SLC24A3: variants seen among roughly 807,000 people sequenced by gnomAD.
The protein encoded by SLC24A3 is sodium/potassium/calcium exchanger 3.
SLC24A3 carries 28 observed loss-of-function variants against 75.8 expected under a neutral mutation model. The ratio of observed to expected loss-of-function variants is 0.37; its 90% CI spans 0.27 to 0.51. The LOEUF is 0.51. Ranked by LOEUF, SLC24A3 falls within the 20% of genes least tolerant of loss-of-function variation. The pLI is 0.94. For missense variants in SLC24A3, 663 were observed against 847.8 expected, an observed-to-expected ratio of 0.78 and a Z score of 2.71; for synonymous variants, 372 against 334.1, an observed-to-expected ratio of 1.11 and a Z score of -1.24.
At chr20:19,612,347 G>A (rs986046423) in intron 6 of SLC24A3, among the ~76,000 whole-genome samples, 1 of 152,174 alleles carries the variant, frequency 6.6e-6, no homozygotes, top group African/African-American at 2.4e-5. Context: ...GCATTCTGTA[G>A]CACCACAGGG....
intron 2 of SLC24A3, among the ~76,000 whole-genome samples, chr20:19,505,058 T>C (rs577781066): frequency 1.3e-5 from 2 of 152,378 alleles, no homozygotes; most frequent in African/African-American, 4.8e-5. Flanking sequence ...ATTTCAGTGC[T>C]CTGCTAGGCC....
At chr20:19,492,185 G>T (rs1036196776) in intron 2 of SLC24A3, among the ~76,000 whole-genome samples, 48 of 152,256 alleles carry the variant, frequency 3.2e-4, no homozygotes, top group African/African-American at 1.1e-3. Context: ...CAAGGCCATG[G>T]ATATTCTTCT....
intron 2 of SLC24A3, among the ~76,000 whole-genome samples, chr20:19,481,794 A>G (rs142734012): frequency 1.1e-4 from 16 of 152,158 alleles, no homozygotes; most frequent in Non-Finnish European, 2.4e-4. Flanking sequence ...GCCCTTTTCT[A>G]TGGAGTGAGT....
chr20:19,549,748 C>G (rs2030661201), intron 3 of SLC24A3, among the ~76,000 whole-genome samples: 1 of 152,168 alleles, frequency 6.6e-6, no homozygotes, highest in Non-Finnish European at 1.5e-5. Flanking sequence ...CATGCCATTG[C>G]ACTCCAGCTG....
chr20:19,614,363 A>G (rs1268388934), intron 6 of SLC24A3, among the ~76,000 whole-genome samples: 2 of 152,204 alleles, frequency 1.3e-5, no homozygotes, highest in Non-Finnish European at 1.5e-5. Context: ...CTCAGTAAAA[A>G]TGACCTGTTA....
intron 3 of SLC24A3, among the ~76,000 whole-genome samples, chr20:19,574,086 A>T (rs903930790): frequency 6.6e-6 from 1 of 152,234 alleles, no homozygotes; most frequent in Admixed American, 6.5e-5. Flanking sequence ...GGTGCTGCAC[A>T]CATTATTGTT....
chr20:19,219,467 C>T (rs1447451633), intron 1 of SLC24A3, among the ~76,000 whole-genome samples: 1 of 152,136 alleles, frequency 6.6e-6, no homozygotes, highest in South Asian at 2.1e-4. Context: ...TGTTCATCCT[C>T]GTGGTGCTCA....
At chr20:19,313,134 T>C (rs1984502024) in intron 2 of SLC24A3, among the ~76,000 whole-genome samples, 1 of 145,542 alleles carries the variant, frequency 6.9e-6, no homozygotes, top group South Asian at 2.2e-4. Flanking sequence ...CTTCCCAGGT[T>C]CAAGCGATTC....
intron 2 of SLC24A3, among the ~76,000 whole-genome samples, chr20:19,420,731 G>A (rs1986904500): frequency 2.3e-5 from 2 of 85,680 alleles, no homozygotes; most frequent in African/African-American, 5.6e-5. Context: ...AGCCCGCATC[G>A]CCAAGTCAAT....
chr20:19,622,421 T>C (rs2122677176), intron 6 of SLC24A3, among the ~76,000 whole-genome samples: 1 of 152,316 alleles, frequency 6.6e-6, no homozygotes, highest in South Asian at 2.1e-4. Context: ...GTGATAGTTC[T>C]CTGCTTGTCA....
At chr20:19,515,759 A>G (rs2029976075) in intron 3 of SLC24A3, among the ~76,000 whole-genome samples, 195 bp downstream of exon 3, 1 of 152,190 alleles carries the variant, frequency 6.6e-6, no homozygotes, top group Non-Finnish European at 1.5e-5. Flanking sequence ...AGGTGGAGCC[A>G]TCTGTTATGC....
intron 2 of SLC24A3, among the ~76,000 whole-genome samples, chr20:19,360,745 A>T (rs4814842): frequency 0.34 from 52,014 of 152,198 alleles, 9,568 homozygotes; most frequent in Middle Eastern, 0.54. Flanking sequence ...TGACAACACC[A>T]CAACTCCAAA....
chr20:19,696,626 G>A (rs546607371), intron 13 of SLC24A3, 171 bp from the exon 14 acceptor site: 20 of 500,174 alleles, frequency 4.0e-5, no homozygotes, highest in South Asian at 3.8e-4. Context: ...CTGCAGCCCC[G>A]GTCGGCATCC....
At chr20:19,720,867 A>G in intron 16 of SLC24A3, 124 bp from the exon 17 acceptor site, 5 of 1,056,184 alleles carry the variant, frequency 4.7e-6, no homozygotes, top group Non-Finnish European at 6.8e-6. Flanking sequence ...CTCAGAGAGG[A>G]TCAGCACCCT....
At chr20:19,524,657 A>T (rs553820397) in intron 3 of SLC24A3, among the ~76,000 whole-genome samples, 2 of 152,182 alleles carry the variant, frequency 1.3e-5, no homozygotes, top group South Asian at 2.1e-4. Context: ...CCTGTTCCCC[A>T]CTTCATGTAT....
At chr20:19,261,597 C>T (rs1394796569) in intron 1 of SLC24A3, 1 of 152,184 alleles carries the variant, frequency 6.6e-6, no homozygotes, top group Non-Finnish European at 1.5e-5. Flanking sequence ...GATCCTTCCA[C>T]CTCAGCCTCC....
At chr20:19,498,433 C>T (rs569731209) in intron 2 of SLC24A3, among the ~76,000 whole-genome samples, 1 of 152,104 alleles carries the variant, frequency 6.6e-6, no homozygotes, top group African/African-American at 2.4e-5. Flanking sequence ...GATGGCTGTG[C>T]CCCTCCCCCA....
Position 19,651,524 on chromosome 20 carries a change from G to A in SLC24A3, c.613-2538G>A, listed in dbSNP as rs7264736. Reference sequence around the variant, plus strand: ...TGATGTATGTCTTGTTTTGTTTATTGTGCACTCAATGAAATAAACTCAGAG... The same window carrying A: ...TGATGTATGTCTTGTTTTGTTTATTATGCACTCAATGAAATAAACTCAGAG... On this transcript the variant is annotated intron_variant, in intron 6 of 16. Transcript: ENST00000328041. 9.1e-3 allele frequency among the ~76,000 whole-genome samples: 1,383 copies of A among 151,318 alleles called. 24 individuals carry two copies. The highest frequency in any genetic ancestry group is 0.032 in the African/African-American group (1,325 of 41,206).
At chr20:19,699,182 T>G (rs1474195801) in intron 15 of SLC24A3, among the ~76,000 whole-genome samples, 1 of 152,252 alleles carries the variant, frequency 6.6e-6, no homozygotes, top group Non-Finnish European at 1.5e-5. Context: ...ATTTGGCCCA[T>G]GGGTCATAAC....
Sources: gnomAD v4.1 joint callset for allele counts (sites outside exome capture counted in the v4.1 genomes callset) on GRCh38, gnomAD v4.1.1 for gene constraint, MANE v1.5 for transcripts, NCBI Gene and HGNC (gene_info 2026-07-23, HGNC 2026-07-21) for gene names.